SDCBP2: variants seen among roughly 807,000 people sequenced by gnomAD.
SDCBP2 encodes the protein syndecan binding protein 2, also known as syntenin-2.
SDCBP2 carries 28 observed loss-of-function variants against 30.7 expected under a neutral mutation model. The ratio of observed to expected loss-of-function variants is 0.91; its 90% confidence interval spans 0.68 to 1.25. SDCBP2 has a LOEUF of 1.25. Among genes scored for constraint, SDCBP2 ranks in the 50% most tolerant of loss-of-function variants. SDCBP2 has a pLI of 0.00. For synonymous variants in SDCBP2, 166 were observed against 157.3 expected (o/e 1.06, Z -0.41); for missense variants, 399 against 379.0 (o/e 1.05, Z -0.44).
intron 6 of SDCBP2, 26 bp downstream of exon 6, chr20:1,312,561 G>C (rs1369059894): frequency 6.2e-7 from 1 of 1,613,450 alleles, no homozygotes; most frequent in South Asian, 1.1e-5. Flanking sequence ...GTGAGACGGA[G>C]AGGCTGCCCG....
rs1394655289 is a variant in SDCBP2 at position 1,318,299 on chromosome 20, G to T, written c.225+19C>A. On this transcript the variant is annotated intron_variant, in intron 4 of 8. Transcript: ENST00000360779. ...TTGGGAGGTTCTGCGCCCGCAGCAG[G>T]CAGAAGCCAAATACATACACTGTCA... 1.3e-6 allele frequency: 2 copies of T among 1,561,926 alleles called. No individual in the cohort carries two copies. The highest frequency in any genetic ancestry group is 1.8e-6 in the Non-Finnish European group (2 of 1,132,344).
chr20:1,318,473 A>G, intron 3 of SDCBP2, 55 bp from the exon 4 acceptor site: 1 of 1,127,284 alleles, frequency 8.9e-7, no homozygotes, highest in Non-Finnish European at 1.3e-6. Flanking sequence ...GTGCTTCCCT[A>G]TGCCTGCCTG....
Position 1,321,607 on chromosome 20 carries a change from C to A in SDCBP2, c.-19-1172G>T, listed in dbSNP as rs1000138257. On this transcript the variant is annotated intron_variant, in intron 1 of 8. Transcript: ENST00000360779. This position sits in a 1 kb window ranked among gnomAD's most constrained non-coding sequence, Gnocchi z 5.2. The stretch of plus-strand genomic sequence containing the variant: ...CCTGCTGCTCTCCAGACAGCAGCCA[C>A]CAGGCCCTTTGTGTACACACTTGGG... 1 of 152,578 alleles carries A rather than the reference C, an allele frequency of 6.6e-6. No homozygotes were observed. Among genetic ancestry groups the A allele is most frequent in the African/African-American group, 2.4e-5 (1 of 41,456 alleles). 9.5% of individuals were successfully genotyped at this position (152,578 alleles called of 1,614,324 possible).
chr20:1,323,000 ACT>A (rs1273775566), intron 1 of SDCBP2: 4 of 126,504 alleles, frequency 3.2e-5, no homozygotes, highest in Non-Finnish European at 6.6e-5. Context: ...GCATGGCAAC[ACT>A]CACCCGGCTG....
chr20:1,317,754 C>T (rs1009736661), intron 4 of SDCBP2: 2 of 214,342 alleles, frequency 9.3e-6, no homozygotes, highest in East Asian at 1.2e-4. Context: ...TCAGTTTCAT[C>T]GGCTCAGGAC....
intron 1 of SDCBP2, chr20:1,322,990 G>A (rs1435947450): frequency 7.5e-6 from 1 of 132,934 alleles, no homozygotes; most frequent in Non-Finnish European, 1.6e-5. Flanking sequence ...CTGGAATAGT[G>A]CATGGCAACA....
rs1244298299 is a variant in SDCBP2, at chr20:1,324,846, C to G, written c.-20+4239G>C. Among the ~76,000 whole-genome samples, 2 of 152,204 alleles carry G rather than the reference C, an allele frequency of 1.3e-5. No homozygotes were observed. Among genetic ancestry groups the G allele is most frequent in the Non-Finnish European group, 1.5e-5 (1 of 68,040 alleles). ...GATATAAACTGTTGGCAAAATTCAG[C>G]TGAATATTGTCTTCTAGTAAACCTA... On this transcript the variant is annotated intron_variant, in intron 1 of 8. Coordinates refer to ENST00000360779, the MANE Select transcript of SDCBP2 (RefSeq NM_080489.5). The surrounding 1 kb of genome is among the most constrained non-coding windows in gnomAD (Gnocchi z 4.7).
chr20:1,311,215 C>G (rs960705232), intron 7 of SDCBP2: 5 of 250,936 alleles, frequency 2.0e-5, no homozygotes, highest in South Asian at 1.1e-4. Flanking sequence ...TTCTCCTCCC[C>G]CTTCCAAGGG....
intron 4 of SDCBP2, chr20:1,317,546 A>AG (rs1322099602): frequency 6.5e-6 from 1 of 153,872 alleles, no homozygotes. Context: ...ACGACCATGA[A>AG]GGGGGCCACT....
intron 4 of SDCBP2, chr20:1,317,451 A>G (rs1344019718): frequency 6.6e-6 from 1 of 152,248 alleles, no homozygotes; most frequent in Non-Finnish European, 1.5e-5. Context: ...GAATGCATTT[A>G]TGTCTTAATT....
chr20:1,315,428 C>A (rs991600676), intron 4 of SDCBP2, among the ~76,000 whole-genome samples: 1 of 152,136 alleles, frequency 6.6e-6, no homozygotes, highest in African/African-American at 2.4e-5. Flanking sequence ...ACGCAGGAGG[C>A]TGAGATGGGA....
At position 1,312,680 on chromosome 20, in the gene SDCBP2, T is replaced by A; in HGVS notation, c.467A>T (p.Asp156Val). ...GCTCCACCCAGCACAGTCACGCCCG[T>A]CAATCTGCAGGAGCTGGTCCCCAAA... ...LRFGDQLLQIDGRDCAGWSSH... is the reference protein window; with the variant it reads ...LRFGDQLLQIVGRDCAGWSSH... Residue 156 changes from aspartate to valine, a missense_variant, in exon 6 of 9, where the codon GAC (aspartate) becomes GTC (valine). By Grantham distance (152) the Asp-to-Val change is radical (BLOSUM62 -3). Coordinates refer to ENST00000360779, the MANE Select transcript of SDCBP2 (RefSeq NM_080489.5). 1 of 1,614,046 alleles carries A rather than the reference T, an allele frequency of 6.2e-7. No individual in the cohort carries two copies. Among genetic ancestry groups the A allele is most frequent in the Non-Finnish European group, 8.5e-7 (1 of 1,179,986 alleles).
chr20:1,315,810 C>T (rs1323211510), intron 4 of SDCBP2, among the ~76,000 whole-genome samples: 4 of 152,094 alleles, frequency 2.6e-5, no homozygotes, highest in African/African-American at 7.2e-5. Flanking sequence ...AAGCTACAGA[C>T]TGAGAGAAAA....
intron 1 of SDCBP2, chr20:1,325,958 G>A (rs2088919725): frequency 6.6e-6 from 1 of 152,216 alleles, no homozygotes; most frequent in Non-Finnish European, 1.5e-5. Flanking sequence ...GCCTAGGGAA[G>A]GGTTCTTGGC....
intron 7 of SDCBP2, 75 bp downstream of exon 7, chr20:1,312,262 G>A (rs2088684005): frequency 4.2e-6 from 6 of 1,444,780 alleles, no homozygotes; most frequent in Non-Finnish European, 5.7e-6. Context: ...GGCTCAGGTG[G>A]GGTAAGCAAG....
intron 3 of SDCBP2, chr20:1,319,363 G>A: frequency 3.6e-6 from 2 of 548,802 alleles, no homozygotes. Context: ...GGCAGTCAAG[G>A]AGGGAGGGGA....
Position 1,320,591 on chromosome 20 carries a change from C to T in SDCBP2, c.-19-156G>A. On this transcript the variant is annotated intron_variant, in intron 1 of 8. Coordinates refer to ENST00000360779, the MANE Select transcript of SDCBP2 (RefSeq NM_080489.5). This position sits in a 1 kb window ranked among gnomAD's most constrained non-coding sequence, Gnocchi z 4.7. ...TGCCTCCCCGAACTCCACCCCTAAT[C>T]CCCTGTCGATATTTGAACTCTACTG... 1.7e-6 allele frequency: 1 copy of T among 579,026 alleles called. No homozygotes were observed. Among genetic ancestry groups the T allele is most frequent in the Non-Finnish European group, 3.1e-6 (1 of 322,710 alleles). The allele number at this position is 579,026 out of a possible 1,614,324, so 35.9% of individuals were successfully genotyped here. A position where few individuals can be genotyped will look rare whatever the true frequency, so the allele number is the denominator to read the frequency against.
In SDCBP2 at chr20:1,324,891, T is replaced by TA. The variant is rs2088897558; in HGVS notation, c.-20+4193dup. On this transcript the variant is annotated intron_variant, in intron 1 of 8. Coordinates refer to ENST00000360779, the MANE Select transcript of SDCBP2 (RefSeq NM_080489.5). The surrounding 1 kb of genome is among the most constrained non-coding windows in gnomAD (Gnocchi z 4.7). ...AACCTAAGCTGATTCCTAAGTTGGG[T>TA]ACAAGCGTGATCGGGTGTAAGCCAG... Among the ~76,000 whole-genome samples, 1 of 152,228 alleles carries TA rather than the reference T, an allele frequency of 6.6e-6. No homozygotes were observed.
chr20:1,311,917 G>A (rs867189546), intron 7 of SDCBP2, among the ~76,000 whole-genome samples: 1 of 16,290 alleles, frequency 6.1e-5, no homozygotes, highest in African/African-American at 3.3e-4. Context: ...TTTTTTTTTT[G>A]GAGACAGGGT....
Sources: gnomAD v4.1 joint callset for allele counts (sites outside exome capture counted in the v4.1 genomes callset) on GRCh38, gnomAD v4.1.1 for gene constraint, Gnocchi (gnomAD v3.1) non-coding constraint, MANE v1.5 for transcripts, NCBI Gene and HGNC (gene_info 2026-07-23, HGNC 2026-07-21) for gene names.